The following RAPGEF4 variants were observed in gnomAD, a reference collection of about 807,000 sequenced individuals.
RAPGEF4 encodes the protein RAP guanine-nucleotide-exchange factor (GEF) 4.
RAPGEF4 carries 66 observed loss-of-function variants against 147.9 expected under a neutral mutation model. The observed-to-expected ratio is 0.45, with a 90% CI of 0.37 to 0.55. RAPGEF4 has a LOEUF of 0.55. RAPGEF4 is among the 20% of genes least tolerant of loss of function. The pLI is 0.00. For missense variants in RAPGEF4, 1,071 were observed against 1,257.3 expected, an observed-to-expected ratio of 0.85 and a Z score of 2.24; for synonymous variants, 419 against 442.7, an observed-to-expected ratio of 0.95 and a Z score of 0.67.
chr2:172,905,282 G>A (rs1388053539), intron 4 of RAPGEF4, among the ~76,000 whole-genome samples: 2 of 152,054 alleles, frequency 1.3e-5, no homozygotes, highest in Non-Finnish European at 2.9e-5. Flanking sequence ...TGTGTTGGTA[G>A]CTGTCCTCAC....
intron 4 of RAPGEF4, among the ~76,000 whole-genome samples, chr2:172,821,179 A>AC (rs552095078): frequency 1.1e-4 from 16 of 152,220 alleles, no homozygotes; most frequent in Admixed American, 2.0e-4. Flanking sequence ...GGCTTTATCC[A>AC]CCATACTAAC....
intron 12 of RAPGEF4, 42 bp from the exon 13 acceptor site, chr2:172,988,154 C>T: frequency 6.4e-7 from 1 of 1,571,118 alleles, no homozygotes; most frequent in Non-Finnish European, 8.6e-7. Context: ...TATTGATGTG[C>T]TTCTATTCTT....
chr2:172,884,118 A>G (rs1198711978), intron 4 of RAPGEF4, among the ~76,000 whole-genome samples: 1 of 152,150 alleles, frequency 6.6e-6, no homozygotes, highest in Non-Finnish European at 1.5e-5. Flanking sequence ...AAATTCTACT[A>G]TACCCCTGCA....
intron 16 of RAPGEF4, among the ~76,000 whole-genome samples, chr2:173,000,454 T>C (rs1402311307): frequency 6.6e-6 from 1 of 152,228 alleles, no homozygotes; most frequent in Non-Finnish European, 1.5e-5. Flanking sequence ...CAAGTTCTGA[T>C]GGGCATAGTC....
At position 172,926,853 on chromosome 2, in the gene RAPGEF4, A is replaced by G. The variant is rs144997723; in HGVS notation, c.537+4553A>G. Among the ~76,000 whole-genome samples the G allele has an allele frequency of 1.3e-3, 198 of 152,322 alleles. 2 individuals are homozygous for G. The highest frequency in any genetic ancestry group is 4.1e-3 in the Admixed American group (63 of 15,290). On this transcript the variant is annotated intron_variant, in intron 6 of 30. Transcript: ENST00000397081. ...TCAAAGTGCTGGGATTACAAGTGTG[A>G]GCTACCGCGCCCAGCCCGAGGTCCT...
At chr2:172,964,905 G>A (rs1290924736) in intron 8 of RAPGEF4, among the ~76,000 whole-genome samples, 2 of 152,122 alleles carry the variant, frequency 1.3e-5, no homozygotes, top group Non-Finnish European at 2.9e-5. Flanking sequence ...GGCATCTTGG[G>A]GACTAATGTG....
At chr2:172,814,486 A>G (rs748127413) in intron 4 of RAPGEF4, 61 bp downstream of exon 4, 1 of 1,539,348 alleles carries the variant, frequency 6.5e-7, no homozygotes, top group African/African-American at 1.4e-5. Context: ...GAGCTGCCAC[A>G]TGGATAATGG....
At chr2:172,900,721 A>G (rs550328549) in intron 4 of RAPGEF4, among the ~76,000 whole-genome samples, 1 of 152,202 alleles carries the variant, frequency 6.6e-6, no homozygotes, top group Admixed American at 6.5e-5. Flanking sequence ...TTTGCCCCCA[A>G]ATACTTGAGC....
chr2:173,024,464 G>A (rs1274754627), intron 23 of RAPGEF4, among the ~76,000 whole-genome samples: 4 of 140,446 alleles, frequency 2.8e-5, no homozygotes, highest in East Asian at 2.2e-4. Context: ...TGATCCGCCC[G>A]CCTCGGCCTC....
At chr2:173,025,052 T>C (rs1198959212) in intron 23 of RAPGEF4, among the ~76,000 whole-genome samples, 1 of 152,242 alleles carries the variant, frequency 6.6e-6, no homozygotes, top group Non-Finnish European at 1.5e-5. Flanking sequence ...ACACATTCAT[T>C]CCAAATACCC....
intron 4 of RAPGEF4, among the ~76,000 whole-genome samples, chr2:172,856,052 T>C (rs920043181): frequency 1.3e-5 from 2 of 152,134 alleles, no homozygotes; most frequent in Non-Finnish European, 2.9e-5. Context: ...TCTTTAAATA[T>C]TTTTTCTGTC....
intron 8 of RAPGEF4, among the ~76,000 whole-genome samples, chr2:172,962,936 G>A (rs1444084939): frequency 6.6e-6 from 1 of 152,114 alleles, no homozygotes; most frequent in Admixed American, 6.5e-5. Flanking sequence ...CTGAGACTGG[G>A]TAATTTTTGA....
In RAPGEF4 at chr2:172,739,402, C is replaced by T. The variant is rs546027114; in HGVS notation, c.65+3354C>T. Among the ~76,000 whole-genome samples, 53 of 151,718 alleles carry T rather than the reference C, an allele frequency of 3.5e-4. No individual in the cohort carries two copies. In the South Asian group the frequency reaches 0.011, roughly 30 times the overall value. Reference sequence around the variant, plus strand: ...GTTTTTGTTTTTTGAGATGGAGTCTCACTCTGTCACCCAGGCTGGAGTGCA... The same window carrying T: ...GTTTTTGTTTTTTGAGATGGAGTCTTACTCTGTCACCCAGGCTGGAGTGCA... On this transcript the variant is annotated intron_variant, in intron 1 of 30. Coordinates refer to ENST00000397081, the MANE Select transcript of RAPGEF4 (RefSeq NM_007023.4).
intron 17 of RAPGEF4, among the ~76,000 whole-genome samples, chr2:173,012,718 C>T (rs1695140979): frequency 6.6e-6 from 1 of 152,198 alleles, no homozygotes; most frequent in East Asian, 1.9e-4. Context: ...TACACAATAT[C>T]ACATAGCTAA....
At chr2:172,875,738 T>A (rs1695839141) in intron 4 of RAPGEF4, among the ~76,000 whole-genome samples, 1 of 152,218 alleles carries the variant, frequency 6.6e-6, no homozygotes, top group Non-Finnish European at 1.5e-5. Flanking sequence ...TGGGCTATTT[T>A]TTGTTTTGAT....
intron 4 of RAPGEF4, chr2:172,860,429 T>A: frequency 1.9e-6 from 1 of 526,264 alleles, no homozygotes; most frequent in Non-Finnish European, 2.4e-6. Context: ...TCATTTTGTG[T>A]AAATGTAATA....
At chr2:172,800,370 A>G (rs1686846862) in intron 3 of RAPGEF4, among the ~76,000 whole-genome samples, 1 of 152,196 alleles carries the variant, frequency 6.6e-6, no homozygotes, top group South Asian at 2.1e-4. Flanking sequence ...AATGACCAAG[A>G]TGGCAGAGCC....
chr2:172,741,214 C>G (rs1289028979), intron 1 of RAPGEF4, among the ~76,000 whole-genome samples: 1 of 152,238 alleles, frequency 6.6e-6, no homozygotes, highest in African/African-American at 2.4e-5. Flanking sequence ...TGGTCCCACT[C>G]TGTAATAACA....
chr2:172,979,912 G>A (rs554744923), intron 10 of RAPGEF4, among the ~76,000 whole-genome samples: 1 of 152,308 alleles, frequency 6.6e-6, no homozygotes, highest in Non-Finnish European at 1.5e-5. Flanking sequence ...CAGCTACTCA[G>A]GAGGCTGAGG....
Sources: gnomAD v4.1 joint callset for allele counts (sites outside exome capture counted in the v4.1 genomes callset) on GRCh38, gnomAD v4.1.1 for gene constraint, MANE v1.5 for transcripts, NCBI Gene and HGNC (gene_info 2026-07-23, HGNC 2026-07-21) for gene names.